Variants in KCNT2 observed in about 807,000 individuals in gnomAD.
KCNT2 encodes potassium sodium-activated channel subfamily T member 2, also known as potassium channel subfamily T member 2.
A neutral mutation model predicts 153.8 loss-of-function variants in KCNT2; 67 were observed. The observed-to-expected ratio is 0.44, with a 90% CI of 0.36 to 0.53. The LOEUF (loss-of-function observed/expected upper bound fraction) is 0.53. KCNT2 is among the 20% of genes least tolerant of loss of function. The pLI, the probability that KCNT2 is intolerant of heterozygous loss-of-function variation, is 0.00. For missense variants in KCNT2, 975 were observed against 1,354.8 expected (o/e 0.72, Z 4.40); for synonymous variants, 500 against 458.8 (o/e 1.09, Z -1.15).
intron 21 of KCNT2, among the ~76,000 whole-genome samples, chr1:196,311,328 A>C (rs1662159353): frequency 6.6e-6 from 1 of 151,634 alleles, no homozygotes; most frequent in African/African-American, 2.4e-5. Flanking sequence ...TGCTCAATAA[A>C]CCTAGGGGCC....
At chr1:196,292,874 C>T (rs1660329852) in intron 22 of KCNT2, among the ~76,000 whole-genome samples, 2 of 143,442 alleles carry the variant, frequency 1.4e-5, no homozygotes, top group Non-Finnish European at 3.0e-5. Flanking sequence ...ATGCCATGAA[C>T]TTACAGTATA....
At chr1:196,333,490 A>T (rs1444945973) in intron 17 of KCNT2, among the ~76,000 whole-genome samples, 2 of 152,180 alleles carry the variant, frequency 1.3e-5, no homozygotes, top group African/African-American at 4.8e-5. Flanking sequence ...GATGTGCAAT[A>T]AAGTAAATTC....
chr1:196,388,292 T>C (rs1670169466), intron 13 of KCNT2, among the ~76,000 whole-genome samples: 1 of 151,812 alleles, frequency 6.6e-6, no homozygotes, highest in South Asian at 2.1e-4. Flanking sequence ...TTTCATGCTG[T>C]CTTTAATACT....
chr1:196,346,632 C>T (rs1666166623), intron 14 of KCNT2, among the ~76,000 whole-genome samples: 1 of 152,048 alleles, frequency 6.6e-6, no homozygotes, highest in Admixed American at 6.6e-5. Flanking sequence ...CTGATTGCTT[C>T]ATTTTATCAT....
At chr1:196,446,140 A>T (rs1283240559) in intron 8 of KCNT2, among the ~76,000 whole-genome samples, 2 of 151,390 alleles carry the variant, frequency 1.3e-5, no homozygotes, top group Non-Finnish European at 3.0e-5. Flanking sequence ...GTAGGCAATA[A>T]TATTGCAATT....
chr1:196,586,460 G>A (rs1371740012), intron 1 of KCNT2, among the ~76,000 whole-genome samples: 1 of 151,832 alleles, frequency 6.6e-6, no homozygotes, highest in Non-Finnish European at 1.5e-5. Context: ...AAATTTGTTT[G>A]ACACTAGTCA....
chr1:196,425,813 A>C, intron 11 of KCNT2, 39 bp downstream of exon 11: 1 of 1,605,174 alleles, frequency 6.2e-7, no homozygotes, highest in East Asian at 2.2e-5. Flanking sequence ...TAAGTCACTC[A>C]AAACTGTAAG....
chr1:196,435,147 A>ATG (rs1674528611), intron 8 of KCNT2, among the ~76,000 whole-genome samples: 1 of 102,996 alleles, frequency 9.7e-6, no homozygotes, highest in Non-Finnish European at 2.2e-5. Flanking sequence ...ATGTATATAT[A>ATG]TATATATATA....
chr1:196,500,350 A>G (rs1450025677), intron 1 of KCNT2, among the ~76,000 whole-genome samples: 6 of 151,750 alleles, frequency 4.0e-5, no homozygotes, highest in African/African-American at 1.5e-4. Context: ...CGTTCATTCA[A>G]ATAATTTTAG....
intron 1 of KCNT2, among the ~76,000 whole-genome samples, chr1:196,521,654 T>C (rs1377771631): frequency 1.3e-5 from 2 of 152,106 alleles, no homozygotes; most frequent in South Asian, 2.1e-4. Context: ...TGGAGGAACA[T>C]GAATGGAGCT....
At chr1:196,306,487 A>G (rs1454692793) in intron 21 of KCNT2, among the ~76,000 whole-genome samples, 1 of 152,084 alleles carries the variant, frequency 6.6e-6, no homozygotes, top group Non-Finnish European at 1.5e-5. Flanking sequence ...AGCATTACAG[A>G]CGAGTTTTTA....
At chr1:196,484,886 C>T (rs777723368) in intron 3 of KCNT2, among the ~76,000 whole-genome samples, 17 of 151,972 alleles carry the variant, frequency 1.1e-4, no homozygotes, top group Admixed American at 7.9e-4. Context: ...AAAAACAGTA[C>T]GGCGATTCCT....
chr1:196,437,395 A>C (rs1165122494), intron 8 of KCNT2, among the ~76,000 whole-genome samples: 1 of 138,850 alleles, frequency 7.2e-6, no homozygotes, highest in African/African-American at 2.6e-5. Flanking sequence ...TATATACACA[A>C]ATTTTATATA....
intron 25 of KCNT2, among the ~76,000 whole-genome samples, chr1:196,278,413 CAA>C (rs1658781730): frequency 6.6e-6 from 1 of 152,064 alleles, no homozygotes. Context: ...TAGAGAAAAA[CAA>C]GAGGCATTAT....
chr1:196,493,698 T>C (rs932087670), intron 1 of KCNT2, among the ~76,000 whole-genome samples: 2 of 152,158 alleles, frequency 1.3e-5, no homozygotes, highest in Admixed American at 1.3e-4. Flanking sequence ...ATGCTATCCC[T>C]TCCCCAGGCC....
chr1:196,560,710 C>G (rs896348999), intron 1 of KCNT2, among the ~76,000 whole-genome samples: 21 of 151,832 alleles, frequency 1.4e-4, no homozygotes, highest in Admixed American at 3.9e-4. Context: ...CTTCCCCCCT[C>G]TGGATAAAAA....
chr1:196,238,126 G>A (rs1008034762), intron 26 of KCNT2, among the ~76,000 whole-genome samples: 33 of 151,740 alleles, frequency 2.2e-4, no homozygotes, highest in African/African-American at 8.0e-4. Context: ...CTGTGATACA[G>A]GAAAAAACAA....
intron 1 of KCNT2, among the ~76,000 whole-genome samples, chr1:196,527,280 C>A (rs1654362982): frequency 6.6e-6 from 1 of 152,074 alleles, no homozygotes; most frequent in Non-Finnish European, 1.5e-5. Flanking sequence ...AAAAGATGTA[C>A]CTCATAGAAC....
chr1:196,482,949 C>A (rs1256503654), intron 3 of KCNT2, among the ~76,000 whole-genome samples: 1 of 152,080 alleles, frequency 6.6e-6, no homozygotes, highest in Non-Finnish European at 1.5e-5. Flanking sequence ...GATAAAAAGG[C>A]TTATGCTCTG....
Sources: gnomAD v4.1 joint callset for allele counts (sites outside exome capture counted in the v4.1 genomes callset) on GRCh38, gnomAD v4.1.1 for gene constraint, MANE v1.5 for transcripts, NCBI Gene and HGNC (gene_info 2026-07-23, HGNC 2026-07-21) for gene names.